SEMA3A: variants seen among roughly 807,000 people sequenced by gnomAD.
SEMA3A encodes the protein semaphorin-3A.
Under a neutral mutation model 97.9 loss-of-function variants are expected in SEMA3A, and 29 were observed. That is an observed-to-expected ratio of 0.30 (90% CI 0.22 to 0.40). The LOEUF (loss-of-function observed/expected upper bound fraction) is 0.40. Ranked by LOEUF, SEMA3A falls within the 10% of genes least tolerant of loss-of-function variation. SEMA3A has a pLI of 1.00. For missense variants in SEMA3A, 763 were observed against 951.3 expected (o/e 0.80, Z 2.60); for synonymous variants, 321 against 323.7 (o/e 0.99, Z 0.09).
chr7:84,492,410 C>T (rs868586856), intron 1 of SEMA3A: 1 of 152,084 alleles, frequency 6.6e-6, no homozygotes. Context: ...GAGTAAACAC[C>T]CGTAATTAAT....
At chr7:84,249,419 C>CTATCT (rs1554351550) in intron 3 of SEMA3A, among the ~76,000 whole-genome samples, 2 of 146,730 alleles carry the variant, frequency 1.4e-5, no homozygotes, top group South Asian at 2.2e-4. Context: ...ATCTATCTAT[C>CTATCT]ATCTACATAT....
chr7:84,284,861 T>C (rs1389336888), intron 3 of SEMA3A, among the ~76,000 whole-genome samples: 1 of 152,114 alleles, frequency 6.6e-6, no homozygotes, highest in Non-Finnish European at 1.5e-5. Flanking sequence ...ATACAGAGGT[T>C]TGCTTTAGGC....
intron 3 of SEMA3A, among the ~76,000 whole-genome samples, chr7:84,123,211 TC>T (rs2115994931): frequency 6.6e-6 from 1 of 152,220 alleles, no homozygotes; most frequent in African/African-American, 2.4e-5. Context: ...AGTTAATCCA[TC>T]AATAGAAATG....
intron 3 of SEMA3A, among the ~76,000 whole-genome samples, chr7:84,274,731 G>T (rs151318262): frequency 6.6e-6 from 1 of 152,062 alleles, no homozygotes. Context: ...GTGATCAAAA[G>T]ATTTATTTTC....
intron 3 of SEMA3A, among the ~76,000 whole-genome samples, chr7:84,217,809 C>T (rs969641022): frequency 6.6e-6 from 1 of 151,668 alleles, no homozygotes; most frequent in Non-Finnish European, 1.5e-5. Flanking sequence ...TGGGTACCAT[C>T]GCTCATACCT....
intron 5 of SEMA3A, among the ~76,000 whole-genome samples, chr7:84,048,367 C>A (rs1792445688): frequency 6.6e-6 from 1 of 151,844 alleles, no homozygotes; most frequent in Admixed American, 6.6e-5. Flanking sequence ...TACATAAATG[C>A]CTATTGTCTC....
chr7:84,408,530 A>C (rs1273231392), intron 1 of SEMA3A, among the ~76,000 whole-genome samples: 3 of 152,278 alleles, frequency 2.0e-5, no homozygotes, highest in African/African-American at 7.2e-5. Context: ...TGACCCAGCC[A>C]TCCCATTACT....
At chr7:83,987,071 T>A (rs1332197911) in intron 12 of SEMA3A, among the ~76,000 whole-genome samples, 1 of 150,836 alleles carries the variant, frequency 6.6e-6, no homozygotes, top group Non-Finnish European at 1.5e-5. Flanking sequence ...GTTATATACC[T>A]GTATATTTAT....
At chr7:84,054,914 C>G (rs1449787522) in intron 5 of SEMA3A, among the ~76,000 whole-genome samples, 1 of 151,682 alleles carries the variant, frequency 6.6e-6, no homozygotes, top group African/African-American at 2.4e-5. Context: ...GTTAGTTTTC[C>G]TTCTAACAGA....
chr7:84,296,239 C>T (rs542861300), intron 3 of SEMA3A, among the ~76,000 whole-genome samples: 2 of 151,988 alleles, frequency 1.3e-5, no homozygotes, highest in African/African-American at 2.4e-5. Context: ...GTTTGTATAG[C>T]GTTAGCTAGA....
At chr7:83,976,079 C>A (rs2116301779) in intron 15 of SEMA3A, among the ~76,000 whole-genome samples, 1 of 152,214 alleles carries the variant, frequency 6.6e-6, no homozygotes. Context: ...TTACCCGTCT[C>A]CTGGTAGTAG....
intron 4 of SEMA3A, among the ~76,000 whole-genome samples, chr7:84,071,668 T>A (rs180706337): frequency 6.6e-6 from 1 of 152,250 alleles, no homozygotes; most frequent in East Asian, 1.9e-4. Flanking sequence ...TCTCTGGAAC[T>A]TGCATAGCAA....
At chr7:84,095,358 CATATATATATAT>C (rs200107086) in intron 4 of SEMA3A, among the ~76,000 whole-genome samples, 53,555 of 122,958 alleles carry the variant, frequency 0.44, 12,171 homozygotes, top group Admixed American at 0.53. Flanking sequence ...TTTTTATATA[CATATATATATAT>C]ATATATATAT....
At chr7:84,095,945 T>G (rs1471982507) in intron 4 of SEMA3A, among the ~76,000 whole-genome samples, 2 of 152,062 alleles carry the variant, frequency 1.3e-5, no homozygotes, top group African/African-American at 2.4e-5. Flanking sequence ...ATAAAAGATA[T>G]CATAAACATT....
In SEMA3A at chr7:84,188,270, C is replaced by A. The variant is rs114814816; in HGVS notation, c.112+6205G>T. Among the ~76,000 whole-genome samples, 1,419 of 152,072 alleles carry A rather than the reference C, an allele frequency of 9.3e-3. 22 individuals carry two copies. Among genetic ancestry groups the A allele is most frequent in the African/African-American group, 0.032 (1,330 of 41,510 alleles). On this transcript the variant is annotated intron_variant, in intron 1 of 16. Transcript: ENST00000265362. Reference sequence around the variant, plus strand: ...TTTTGCTTATCTTCATTCCCCAATTCAAGTATAAATTGTATATTTCCTTAT... The same window carrying A: ...TTTTGCTTATCTTCATTCCCCAATTAAAGTATAAATTGTATATTTCCTTAT...
chr7:84,363,676 T>G (rs953776095), intron 2 of SEMA3A, among the ~76,000 whole-genome samples: 1 of 151,906 alleles, frequency 6.6e-6, no homozygotes, highest in African/African-American at 2.4e-5. Context: ...ATTGTAACTT[T>G]CACAACTATT....
chr7:84,285,048 C>T (rs535537071), intron 3 of SEMA3A, among the ~76,000 whole-genome samples: 2 of 152,068 alleles, frequency 1.3e-5, no homozygotes, highest in South Asian at 4.1e-4. Flanking sequence ...CTCTTGTACT[C>T]TTTTATTTTT....
At chr7:84,085,241 A>AT (rs34047125) in intron 4 of SEMA3A, among the ~76,000 whole-genome samples, 3,529 of 150,886 alleles carry the variant, frequency 0.023, 116 homozygotes, top group African/African-American at 0.076. Flanking sequence ...TTGGAATGAG[A>AT]TTTTTTTTTC....
At chr7:84,037,208 A>C (rs1005491091) in intron 6 of SEMA3A, among the ~76,000 whole-genome samples, 1 of 151,870 alleles carries the variant, frequency 6.6e-6, no homozygotes, top group African/African-American at 2.4e-5. Context: ...TACCCTACAG[A>C]ATATGTAATA....
Sources: allele counts gnomAD v4.1 joint callset (sites outside exome capture counted in the v4.1 genomes callset), GRCh38; gene constraint gnomAD v4.1.1; transcripts MANE v1.5; gene names NCBI Gene and HGNC (gene_info 2026-07-23, HGNC 2026-07-21).